The following DNAJC11 variants were observed in gnomAD, a reference collection of about 807,000 sequenced individuals.
DNAJC11 encodes DnaJ heat shock protein family (Hsp40) member C11.
In DNAJC11, 15 loss-of-function variants were observed where a neutral mutation model predicts 78.6. The observed-to-expected ratio is 0.19, with a 90% CI of 0.13 to 0.29. DNAJC11 has a LOEUF of 0.29. Ranked by LOEUF, DNAJC11 falls within the 10% of genes least tolerant of loss-of-function variation. The pLI is 1.00. For missense variants in DNAJC11, 547 were observed against 709.6 expected (o/e 0.77, Z 2.60); for synonymous variants, 292 against 272.1 (o/e 1.07, Z -0.72).
intron 1 of DNAJC11, among the ~76,000 whole-genome samples, chr1:6,684,698 T>G (rs1385685133): frequency 2.6e-5 from 4 of 152,190 alleles, no homozygotes; most frequent in African/African-American, 9.7e-5. Context: ...ATTTCATAAA[T>G]GAGAACCTCT....
At chr1:6,646,889 C>T (rs923806132) in intron 7 of DNAJC11, among the ~76,000 whole-genome samples, 4 of 152,002 alleles carry the variant, frequency 2.6e-5, no homozygotes, top group African/African-American at 9.7e-5. Flanking sequence ...GGCTCATTGG[C>T]TCACACCTGT....
At chr1:6,638,433 C>T (rs1641821417) in intron 11 of DNAJC11, 69 bp from the exon 12 acceptor site, 2 of 1,500,256 alleles carry the variant, frequency 1.3e-6, no homozygotes, top group African/African-American at 2.8e-5. Flanking sequence ...CACAGCCCCT[C>T]CCGTGCTGGA....
chr1:6,646,036 T>C lies in DNAJC11; in HGVS notation c.705-58A>G, dbSNP rs939287816. 3.9e-6 allele frequency: 6 copies of C among 1,557,508 alleles called. No individual in the cohort carries two copies. The African/African-American group carries it at 8.1e-5, about 21-fold the overall frequency. ...ATAGCACCTGCTCTCAGCTGTTCTG[T>C]TACTTCCTCTCTGCCTGGCTAAGAC... On this transcript the variant is annotated intron_variant, in intron 7 of 15. Transcript: ENST00000377577.
At chr1:6,648,669 C>G (rs1321627851) in intron 7 of DNAJC11, among the ~76,000 whole-genome samples, 3 of 152,098 alleles carry the variant, frequency 2.0e-5, no homozygotes, top group African/African-American at 7.2e-5. Flanking sequence ...GTTGCCTAGG[C>G]TGGTCTCAAA....
intron 10 of DNAJC11, among the ~76,000 whole-genome samples, chr1:6,640,423 G>A (rs1641857602): frequency 6.6e-6 from 1 of 152,226 alleles, no homozygotes; most frequent in Admixed American, 6.5e-5. Flanking sequence ...CTTAACTGAG[G>A]TTTCCAAAGA....
chr1:6,700,560 T>A (rs1162268486), intron 1 of DNAJC11, among the ~76,000 whole-genome samples: 3 of 152,134 alleles, frequency 2.0e-5, no homozygotes, highest in Non-Finnish European at 4.4e-5. Flanking sequence ...TAGTGTGACT[T>A]TAGACACACT....
chr1:6,661,001 T>C (rs769341993), intron 4 of DNAJC11, among the ~76,000 whole-genome samples: 2 of 152,210 alleles, frequency 1.3e-5, no homozygotes, highest in Admixed American at 6.5e-5. Flanking sequence ...TGGTTTCAAA[T>C]CTTCTTAAAA....
intron 7 of DNAJC11, among the ~76,000 whole-genome samples, chr1:6,647,908 T>C (rs1276252770): frequency 6.6e-6 from 1 of 152,216 alleles, no homozygotes; most frequent in Non-Finnish European, 1.5e-5. Flanking sequence ...CGTTTAAATC[T>C]GCTCAAGTCT....
At chr1:6,676,564 C>T (rs1221277146) in intron 3 of DNAJC11, among the ~76,000 whole-genome samples, 1 of 152,068 alleles carries the variant, frequency 6.6e-6, no homozygotes, top group Non-Finnish European at 1.5e-5. Context: ...CCTGTAGTCG[C>T]AGCTACTTGG....
intron 11 of DNAJC11, 104 bp from the exon 12 acceptor site, chr1:6,638,468 A>G: frequency 9.7e-7 from 1 of 1,034,800 alleles, no homozygotes; most frequent in Non-Finnish European, 1.4e-6. Flanking sequence ...ACAGTCTGTG[A>G]TCTTACTGGA....
At chr1:6,638,264 C>T in intron 12 of DNAJC11, 31 bp downstream of exon 12, 2 of 1,605,518 alleles carry the variant, frequency 1.2e-6, no homozygotes, top group Non-Finnish European at 1.7e-6. Context: ...CCCCTACAGC[C>T]CTCGCTTGGG....
At position 6,635,225 on chromosome 1, in the gene DNAJC11, T is replaced by C. The variant is rs143431699; in HGVS notation, c.*450A>G. 183 of 170,592 alleles carry C rather than the reference T, an allele frequency of 1.1e-3. No individual in the cohort carries two copies. Among genetic ancestry groups the C allele is most frequent in the African/African-American group, 4.0e-3 (169 of 42,178 alleles). 10.6% of individuals were successfully genotyped at this position (170,592 alleles called of 1,614,324 possible). On this transcript the variant is annotated 3_prime_UTR_variant, in exon 16 of 16. Transcript: ENST00000377577. Reference sequence around the variant, plus strand: ...GGAAGCCAGCACAGCAGAGGCTCCCTGACCGGGAGGCCTGCCTGCTTTTCA... The same window carrying C: ...GGAAGCCAGCACAGCAGAGGCTCCCCGACCGGGAGGCCTGCCTGCTTTTCA...
At position 6,634,818 on chromosome 1, in the gene DNAJC11, C is replaced by A; in HGVS notation, c.*857G>T. The A allele has an allele frequency of 7.9e-7, 1 of 1,267,630 alleles. No homozygotes were observed. The highest frequency in any genetic ancestry group is 1.0e-6 in the Non-Finnish European group (1 of 969,618). The allele number at this position is 1,267,630 out of a possible 1,614,324, so 78.5% of individuals were successfully genotyped here. On this transcript the variant is annotated 3_prime_UTR_variant, in exon 16 of 16. Coordinates refer to ENST00000377577, the MANE Select transcript of DNAJC11 (RefSeq NM_018198.4). ...TACCACGGGCCGGGCCTGGGGTCCACGCCTTTGGGTTGGGTGTGTCTGATG... is the reference window on the plus strand; with the variant it reads ...TACCACGGGCCGGGCCTGGGGTCCAAGCCTTTGGGTTGGGTGTGTCTGATG...
In DNAJC11 at chr1:6,634,868, C is replaced by A; in HGVS notation, c.*807G>T. 8.2e-7 allele frequency: 1 copy of A among 1,214,336 alleles called. No homozygotes were observed. The highest frequency in any genetic ancestry group is 1.1e-6 in the Non-Finnish European group (1 of 945,476). 75.2% of individuals were successfully genotyped at this position (1,214,336 alleles called of 1,614,324 possible). On this transcript the variant is annotated 3_prime_UTR_variant, in exon 16 of 16. Coordinates refer to ENST00000377577, the MANE Select transcript of DNAJC11 (RefSeq NM_018198.4). ...GTCTTGCCAAGCGCCTGGTCCTGTC[C>A]TCTTGAGCTGCCCTTGCCCAGCACT...
In DNAJC11 at chr1:6,671,112, G is replaced by C. The variant is rs369158243; in HGVS notation, c.277-3302C>G. Reference sequence around the variant, plus strand: ...ATGGTGACCATCCCAAGGACAAGGAGGTCTAAGTGTGAGGCTGTCTGAATG... The same window carrying C: ...ATGGTGACCATCCCAAGGACAAGGACGTCTAAGTGTGAGGCTGTCTGAATG... On this transcript the variant is annotated intron_variant, in intron 3 of 15. Coordinates refer to ENST00000377577, the MANE Select transcript of DNAJC11 (RefSeq NM_018198.4). 2.0e-4 allele frequency among the ~76,000 whole-genome samples: 31 copies of C among 152,346 alleles called. No individual in the cohort carries two copies. The East Asian group carries it at 2.5e-3, about 12-fold the overall frequency.
intron 10 of DNAJC11, among the ~76,000 whole-genome samples, chr1:6,640,903 T>C (rs1273741721): frequency 6.6e-6 from 1 of 152,010 alleles, no homozygotes; most frequent in East Asian, 1.9e-4. Flanking sequence ...AAAAGGAAAT[T>C]TACAGATGCA....
chr1:6,639,884 C>T lies in DNAJC11; in HGVS notation c.1253+18G>A, dbSNP rs1454920855. On this transcript the variant is annotated intron_variant, in intron 11 of 15. Coordinates refer to ENST00000377577, the MANE Select transcript of DNAJC11 (RefSeq NM_018198.4). Reference sequence around the variant, plus strand: ...GCACAGGGCTGGCTAGTGACATGCCCATGACGTGTCAACTCACTTCTCTTT... The same window carrying T: ...GCACAGGGCTGGCTAGTGACATGCCTATGACGTGTCAACTCACTTCTCTTT... 6 of 1,610,958 alleles carry T rather than the reference C, an allele frequency of 3.7e-6. No homozygotes were observed. Among genetic ancestry groups the T allele is most frequent in the Non-Finnish European group, 5.1e-6 (6 of 1,178,482 alleles).
intron 3 of DNAJC11, among the ~76,000 whole-genome samples, chr1:6,669,504 A>G (rs1329577097): frequency 6.7e-6 from 1 of 149,186 alleles, no homozygotes; most frequent in Non-Finnish European, 1.5e-5. Flanking sequence ...TGAGCAAGAA[A>G]CTCTGTCTTA....
At chr1:6,661,620 T>C (rs990598965) in intron 4 of DNAJC11, among the ~76,000 whole-genome samples, 1 of 152,170 alleles carries the variant, frequency 6.6e-6, no homozygotes, top group African/African-American at 2.4e-5. Flanking sequence ...AGACAACTTC[T>C]CACGTTCTCC....
Sources: allele counts gnomAD v4.1 joint callset (sites outside exome capture counted in the v4.1 genomes callset), GRCh38; gene constraint gnomAD v4.1.1; transcripts MANE v1.5; gene names NCBI Gene and HGNC (gene_info 2026-07-23, HGNC 2026-07-21).